TMEM117: variants seen among roughly 807,000 people sequenced by gnomAD.
The protein encoded by TMEM117 is transmembrane protein 117.
In TMEM117, 27 loss-of-function variants were observed where a neutral mutation model predicts 52.4. The ratio of observed to expected loss-of-function variants is 0.51; its 90% CI spans 0.38 to 0.71. The LOEUF is 0.71. Ranked by LOEUF, TMEM117 falls within the 30% of genes least tolerant of loss-of-function variation. The probability of loss-of-function intolerance (pLI) is 0.00; values close to 1 mark genes in which losing one functional copy is unlikely to be tolerated. For synonymous variants in TMEM117, 215 were observed against 206.3 expected (o/e 1.04, Z -0.36); for missense variants, 556 against 630.5 (o/e 0.88, Z 1.26).
At chr12:44,149,693 T>A (rs1948694291) in intron 4 of TMEM117, among the ~76,000 whole-genome samples, 1 of 152,206 alleles carries the variant, frequency 6.6e-6, no homozygotes, top group African/African-American at 2.4e-5. Flanking sequence ...GAATGAACAG[T>A]AACCTGGAAT....
At chr12:44,339,526 A>C (rs1360155256) in intron 6 of TMEM117, among the ~76,000 whole-genome samples, 1 of 152,046 alleles carries the variant, frequency 6.6e-6, no homozygotes, top group African/African-American at 2.4e-5. Context: ...CAGCACAAAT[A>C]TTATTAGAAA....
intron 5 of TMEM117, among the ~76,000 whole-genome samples, chr12:44,240,571 A>C (rs1950049317): frequency 6.6e-6 from 1 of 152,052 alleles, no homozygotes; most frequent in African/African-American, 2.4e-5. Flanking sequence ...CTTTTGTATC[A>C]CTTAAGAAAT....
At chr12:44,093,058 A>G (rs1179480490) in intron 3 of TMEM117, among the ~76,000 whole-genome samples, 1 of 152,120 alleles carries the variant, frequency 6.6e-6, no homozygotes, top group Non-Finnish European at 1.5e-5. Context: ...AGGAAGGAGC[A>G]AGTGTTTCAG....
intron 3 of TMEM117, among the ~76,000 whole-genome samples, chr12:44,129,275 G>T (rs1948376481): frequency 6.6e-6 from 1 of 152,150 alleles, no homozygotes; most frequent in Non-Finnish European, 1.5e-5. Context: ...CAGCAGTGTG[G>T]CCATCCACTT....
chr12:44,246,971 T>C (rs1950138782), intron 5 of TMEM117, among the ~76,000 whole-genome samples: 1 of 152,212 alleles, frequency 6.6e-6, no homozygotes, highest in African/African-American at 2.4e-5. Flanking sequence ...AGTGGTTATT[T>C]TTAATCATCT....
At chr12:43,962,314 T>C (rs1026749722) in intron 3 of TMEM117, among the ~76,000 whole-genome samples, 3 of 152,214 alleles carry the variant, frequency 2.0e-5, no homozygotes, top group Non-Finnish European at 4.4e-5. Context: ...TACTTTTTCT[T>C]TTTTTCTGGA....
intron 3 of TMEM117, among the ~76,000 whole-genome samples, chr12:44,096,981 T>C (rs1592512799): frequency 2.0e-5 from 3 of 152,092 alleles, no homozygotes; most frequent in East Asian, 3.9e-4. Flanking sequence ...AAAGGGCTAA[T>C]ATCCAGAATC....
intron 2 of TMEM117, among the ~76,000 whole-genome samples, chr12:43,864,036 G>A (rs1943537224): frequency 6.6e-6 from 1 of 152,190 alleles, no homozygotes; most frequent in Non-Finnish European, 1.5e-5. Context: ...TTAGCACCCG[G>A]GCCAGCAGCT....
At chr12:44,344,716 T>C (rs931627623) in intron 6 of TMEM117, among the ~76,000 whole-genome samples, 23 of 152,208 alleles carry the variant, frequency 1.5e-4, no homozygotes, top group Non-Finnish European at 3.4e-4. Flanking sequence ...AGCTCATCTG[T>C]CAGTAAACTG....
At chr12:44,312,600 A>G (rs546961758) in intron 6 of TMEM117, among the ~76,000 whole-genome samples, 3 of 152,118 alleles carry the variant, frequency 2.0e-5, no homozygotes, top group Admixed American at 2.0e-4. Context: ...TTGGTGATGG[A>G]ATGATTTATT....
intron 1 of TMEM117, among the ~76,000 whole-genome samples, chr12:43,843,165 C>A (rs1280209883): frequency 6.6e-6 from 1 of 152,086 alleles, no homozygotes; most frequent in South Asian, 2.1e-4. Context: ...GTAAAGGACC[C>A]TCTTCCCCCT....
rs549594424 is a variant in TMEM117 at position 43,931,590 on chromosome 12, T to C, written c.278-12620T>C. On this transcript the variant is annotated intron_variant, in intron 2 of 7. Transcript: ENST00000266534. ...TGTGTAAATTGAGACACAACAGATT[T>C]CAAATATTTTACATTTGGTAATTTC... Among the ~76,000 whole-genome samples, 37 of 152,330 alleles carry C rather than the reference T, an allele frequency of 2.4e-4. 1 individual carries two copies. In the South Asian group the frequency reaches 7.7e-3, roughly 32 times the overall value.
At chr12:44,056,004 T>G (rs181071965) in intron 3 of TMEM117, among the ~76,000 whole-genome samples, 1 of 152,322 alleles carries the variant, frequency 6.6e-6, no homozygotes, top group East Asian at 1.9e-4. Flanking sequence ...AATTTTAGAA[T>G]AAATTACAAG....
intron 2 of TMEM117, among the ~76,000 whole-genome samples, chr12:43,879,094 G>A (rs1943851893): frequency 6.6e-6 from 1 of 152,122 alleles, no homozygotes; most frequent in Admixed American, 6.5e-5. Flanking sequence ...TTTTAATATA[G>A]GTAGATAATG....
At chr12:44,325,610 TA>T (rs1317412887) in intron 6 of TMEM117, among the ~76,000 whole-genome samples, 2 of 152,106 alleles carry the variant, frequency 1.3e-5, no homozygotes, top group East Asian at 3.8e-4. Flanking sequence ...CATTGTCTTG[TA>T]ATAGCTCCTT....
intron 3 of TMEM117, among the ~76,000 whole-genome samples, chr12:44,118,304 T>C (rs1948178932): frequency 2.0e-5 from 3 of 152,212 alleles, no homozygotes; most frequent in African/African-American, 7.2e-5. Flanking sequence ...GAGAATGACA[T>C]GTATTTAACC....
At chr12:44,182,409 G>C (rs1417303984) in intron 4 of TMEM117, among the ~76,000 whole-genome samples, 1 of 152,158 alleles carries the variant, frequency 6.6e-6, no homozygotes, top group East Asian at 1.9e-4. Flanking sequence ...GGAGTGGTGA[G>C]AGAGGGCATC....
chr12:43,844,732 C>A lies in TMEM117; in HGVS notation c.81C>A (p.Phe27Leu). ...IVAYLVIFFN[F>L]LIFAEDPVSH... Reference sequence around the variant, plus strand: ...CTTACTTGGTGATCTTCTTTAACTTCTTAATATTTGCGGAGGACCCAGTTT... The same window carrying A: ...CTTACTTGGTGATCTTCTTTAACTTATTAATATTTGCGGAGGACCCAGTTT... The change falls in exon 2 of 8, where the codon TTC (phenylalanine) becomes TTA (leucine). Residue 27 changes from phenylalanine to leucine, a missense_variant. Phe to Leu is a conservative substitution (Grantham distance 22). Transcript: ENST00000266534. 1 of 1,614,172 alleles carries A rather than the reference C, an allele frequency of 6.2e-7. No homozygotes were observed. The highest frequency in any genetic ancestry group is 2.2e-5 in the East Asian group (1 of 44,864).
chr12:44,211,222 T>C, intron 4 of TMEM117, 68 bp from the exon 5 acceptor site: 2 of 1,031,150 alleles, frequency 1.9e-6, no homozygotes. Flanking sequence ...ATGTAAATTA[T>C]AGGCTTATAG....
Sources: allele counts gnomAD v4.1 joint callset (sites outside exome capture counted in the v4.1 genomes callset), GRCh38; gene constraint gnomAD v4.1.1; transcripts MANE v1.5; gene names NCBI Gene and HGNC (gene_info 2026-07-23, HGNC 2026-07-21).